NCKAP5: variants seen among roughly 807,000 people sequenced by gnomAD.
The protein encoded by NCKAP5 is nck-associated protein 5.
NCKAP5 carries 92 observed loss-of-function variants against 167.0 expected under a neutral mutation model. That is an observed-to-expected ratio of 0.55 (90% CI 0.47 to 0.66). The LOEUF (loss-of-function observed/expected upper bound fraction) is 0.66. NCKAP5 is among the 30% of genes least tolerant of loss of function. The pLI, the probability that NCKAP5 is intolerant of heterozygous loss-of-function variation, is 0.00. For missense variants in NCKAP5, 2,378 were observed against 2,315.0 expected (o/e 1.03, Z -0.56); for synonymous variants, 891 against 877.4 (o/e 1.02, Z -0.27).
At chr2:133,475,061 A>C (rs1679764023) in intron 3 of NCKAP5, among the ~76,000 whole-genome samples, 4 of 152,132 alleles carry the variant, frequency 2.6e-5, no homozygotes, top group Admixed American at 2.6e-4. Context: ...CGCCCGCCTC[A>C]GCCTCCCAAA....
At chr2:133,129,558 G>A (rs889353709) in intron 6 of NCKAP5, among the ~76,000 whole-genome samples, 1 of 152,138 alleles carries the variant, frequency 6.6e-6, no homozygotes, top group African/African-American at 2.4e-5. Context: ...ATAAACATAC[G>A]TGTGCATGTG....
At chr2:133,466,760 C>A (rs916897257) in intron 3 of NCKAP5, among the ~76,000 whole-genome samples, 19 of 151,994 alleles carry the variant, frequency 1.3e-4, no homozygotes, top group African/African-American at 3.6e-4. Flanking sequence ...GTATTTTATT[C>A]TCTTTGAAGC....
intron 5 of NCKAP5, among the ~76,000 whole-genome samples, chr2:133,132,251 C>A (rs1467397500): frequency 1.4e-5 from 2 of 145,470 alleles, no homozygotes; most frequent in Non-Finnish European, 3.0e-5. Context: ...TACACCACTG[C>A]AATCCAGCAT....
intron 5 of NCKAP5, among the ~76,000 whole-genome samples, chr2:133,138,812 A>G (rs564148526): frequency 1.3e-5 from 2 of 152,304 alleles, no homozygotes; most frequent in Non-Finnish European, 2.9e-5. Context: ...CAATGTGTTC[A>G]ATTCAGATAT....
At chr2:132,890,190 T>TC (rs1692581860) in intron 8 of NCKAP5, among the ~76,000 whole-genome samples, 2 of 152,226 alleles carry the variant, frequency 1.3e-5, no homozygotes, top group African/African-American at 4.8e-5. Flanking sequence ...GCTTCTGTAC[T>TC]TTATTTTCTC....
the NCKAP5 span, among the ~76,000 whole-genome samples, chr2:133,577,125 C>G: frequency 6.6e-6 from 1 of 152,166 alleles, no homozygotes; most frequent in Admixed American, 6.5e-5. Context: ...TATGTCCAGT[C>G]CCCAGGAGAG....
intron 5 of NCKAP5, among the ~76,000 whole-genome samples, chr2:133,186,485 G>A (rs2084951835): frequency 6.6e-6 from 1 of 152,132 alleles, no homozygotes; most frequent in African/African-American, 2.4e-5. Context: ...GAGTTAGGGA[G>A]AAGCCCCTGC....
chr2:132,747,814 T>C (rs1663130088), intron 16 of NCKAP5, among the ~76,000 whole-genome samples: 1 of 152,230 alleles, frequency 6.6e-6, no homozygotes, highest in Non-Finnish European at 1.5e-5. Context: ...ATGAGGAAAC[T>C]GAAGTTTAAG....
At chr2:133,408,416 AT>A (rs1453366229) in intron 3 of NCKAP5, among the ~76,000 whole-genome samples, 2 of 152,042 alleles carry the variant, frequency 1.3e-5, no homozygotes, top group Non-Finnish European at 2.9e-5. Context: ...GACCGAAATA[AT>A]TGCTCCTCTC....
At chr2:133,657,698 T>C in the NCKAP5 span, among the ~76,000 whole-genome samples, 1 of 152,088 alleles carries the variant, frequency 6.6e-6, no homozygotes, top group Admixed American at 6.5e-5. Flanking sequence ...GAACCTGAAG[T>C]TACTGTGCAA....
intron 6 of NCKAP5, among the ~76,000 whole-genome samples, chr2:133,043,051 T>C (rs1170287140): frequency 6.6e-6 from 1 of 152,170 alleles, no homozygotes. Flanking sequence ...AAGACCTGCC[T>C]TCCAGTGGGT....
At chr2:133,022,239 G>A (rs183080412) in intron 6 of NCKAP5, among the ~76,000 whole-genome samples, 157 of 152,314 alleles carry the variant, frequency 1.0e-3, no homozygotes, top group Admixed American at 3.7e-3. Context: ...CTGAGAAAAT[G>A]CAGACACAGG....
chr2:133,320,368 C>T (rs1468724917), intron 3 of NCKAP5, among the ~76,000 whole-genome samples: 2 of 152,124 alleles, frequency 1.3e-5, no homozygotes, highest in African/African-American at 2.4e-5. Flanking sequence ...CCACTTGTCA[C>T]GGGGCTCTCT....
intron 4 of NCKAP5, among the ~76,000 whole-genome samples, chr2:133,269,346 G>A (rs2089406304): frequency 6.6e-6 from 1 of 152,122 alleles, no homozygotes; most frequent in African/African-American, 2.4e-5. Context: ...GTGCAATAGA[G>A]AAAAATAAAG....
chr2:132,720,129 C>T (rs1180597815), intron 19 of NCKAP5, among the ~76,000 whole-genome samples: 1 of 152,196 alleles, frequency 6.6e-6, no homozygotes, highest in South Asian at 2.1e-4. Flanking sequence ...TTGCTCGCTC[C>T]TTCACCTTTA....
chr2:132,732,126 G>A, intron 16 of NCKAP5, 75 bp from the exon 17 acceptor site: 1 of 1,377,472 alleles, frequency 7.3e-7, no homozygotes, highest in South Asian at 1.5e-5. Context: ...TGGAAATTGG[G>A]GTATGATCTG....
chr2:133,515,793 C>T (rs953497068), intron 3 of NCKAP5, among the ~76,000 whole-genome samples: 7 of 152,236 alleles, frequency 4.6e-5, no homozygotes, highest in Non-Finnish European at 8.8e-5. Context: ...GGGTTACTCA[C>T]GTCCCCCTGC....
chr2:133,579,156 T>C, the NCKAP5 span, among the ~76,000 whole-genome samples: 1 of 152,240 alleles, frequency 6.6e-6, no homozygotes, highest in East Asian at 1.9e-4. Context: ...TCAGGTACTT[T>C]CATTATCCTA....
chr2:133,164,080 A>G (rs1004822507), intron 5 of NCKAP5, among the ~76,000 whole-genome samples: 4 of 152,224 alleles, frequency 2.6e-5, no homozygotes, highest in Non-Finnish European at 4.4e-5. Context: ...CAGTGAGAGA[A>G]TAATTCCAAG....
Sources: allele counts gnomAD v4.1 joint callset (sites outside exome capture counted in the v4.1 genomes callset), GRCh38; gene constraint gnomAD v4.1.1; transcripts MANE v1.5; gene names NCBI Gene and HGNC (gene_info 2026-07-23, HGNC 2026-07-21).